Variants in NAA25 observed in about 807,000 individuals in gnomAD.
The protein encoded by NAA25 is N-terminal acetyltransferase B complex subunit NAA25.
A neutral mutation model predicts 132.5 loss-of-function variants in NAA25; 30 were observed. That is an observed-to-expected ratio of 0.23 (90% confidence interval 0.17 to 0.31). The LOEUF is 0.31. Ranked by LOEUF, NAA25 falls within the 10% of genes least tolerant of loss-of-function variation. NAA25 has a pLI of 1.00. For missense variants in NAA25, 771 were observed against 1,150.4 expected, an observed-to-expected ratio of 0.67 and a Z score of 4.77; for synonymous variants, 359 against 401.9, an observed-to-expected ratio of 0.89 and a Z score of 1.28.
chr12:112,107,349 A>C (rs1415394882), intron 1 of NAA25, among the ~76,000 whole-genome samples: 1 of 151,954 alleles, frequency 6.6e-6, no homozygotes. Flanking sequence ...GACAAATTAC[A>C]CAACAACAAT....
At chr12:112,062,666 C>G (rs2078652332) in intron 11 of NAA25, among the ~76,000 whole-genome samples, 1 of 151,524 alleles carries the variant, frequency 6.6e-6, no homozygotes, top group Admixed American at 6.6e-5. Flanking sequence ...GCGGTGGTTG[C>G]AGTGAGCCGA....
intron 15 of NAA25, 43 bp downstream of exon 15, chr12:112,053,515 G>C (rs1487805188): frequency 1.5e-6 from 2 of 1,372,540 alleles, no homozygotes. Flanking sequence ...ATAGTGTGCA[G>C]TCAGCAGACA....
intron 17 of NAA25, among the ~76,000 whole-genome samples, chr12:112,044,576 A>G (rs1302477231): frequency 6.6e-6 from 1 of 151,880 alleles, no homozygotes; most frequent in Non-Finnish European, 1.5e-5. Context: ...AGGCTGAGAC[A>G]GGAGAATGGC....
At chr12:112,072,636 A>C (rs1247739512) in intron 9 of NAA25, among the ~76,000 whole-genome samples, 1 of 147,888 alleles carries the variant, frequency 6.8e-6, no homozygotes, top group Non-Finnish European at 1.5e-5. Flanking sequence ...AAGAAAAAAA[A>C]ATTGCCTAAT....
chr12:112,075,811 G>C, intron 7 of NAA25, 22 bp from the exon 8 acceptor site: 2 of 1,597,716 alleles, frequency 1.3e-6, no homozygotes, highest in Non-Finnish European at 1.7e-6. Flanking sequence ...AGTTATAAAA[G>C]TTGGTAAGCT....
intron 22 of NAA25, among the ~76,000 whole-genome samples, chr12:112,038,178 T>A (rs1390928001): frequency 2.0e-5 from 3 of 152,118 alleles, no homozygotes; most frequent in Non-Finnish European, 2.9e-5. Context: ...CATGCCCGAC[T>A]AATTTTTGTA....
chr12:112,101,284 G>T (rs2079291522), intron 1 of NAA25, among the ~76,000 whole-genome samples: 1 of 152,120 alleles, frequency 6.6e-6, no homozygotes, highest in African/African-American at 2.4e-5. Flanking sequence ...TCATTTCAAG[G>T]AGATAAGCTC....
chr12:112,099,634 G>A (rs751855562), intron 1 of NAA25, among the ~76,000 whole-genome samples: 3 of 152,084 alleles, frequency 2.0e-5, no homozygotes, highest in Non-Finnish European at 4.4e-5. Context: ...CACTCCTGAG[G>A]TAACACTTCC....
intron 10 of NAA25, among the ~76,000 whole-genome samples, chr12:112,069,906 T>G (rs1231212234): frequency 6.6e-6 from 1 of 151,310 alleles, no homozygotes; most frequent in Non-Finnish European, 1.5e-5. Flanking sequence ...GGTAGGGAGA[T>G]CACTTGAGTC....
At position 112,049,017 on chromosome 12, in the gene NAA25, A is replaced by C; in HGVS notation, c.1729-574T>G. Among the ~76,000 whole-genome samples the C allele has an allele frequency of 6.6e-6, 1 of 152,214 alleles. No individual in the cohort carries two copies. The highest frequency in any genetic ancestry group is 1.9e-4 in the East Asian group (1 of 5,198). ...TAAGACACCAAACAAAAGACCTATCAAAATTCATGTCATAATCTATTCTGA... is the reference window on the plus strand; with the variant it reads ...TAAGACACCAAACAAAAGACCTATCCAAATTCATGTCATAATCTATTCTGA... On this transcript the variant is annotated intron_variant, in intron 15 of 23. Coordinates refer to ENST00000261745, the MANE Select transcript of NAA25 (RefSeq NM_024953.4). This position sits in a 1 kb window ranked among gnomAD's most constrained non-coding sequence, Gnocchi z 4.7.
rs140406567 is a variant in NAA25, at chr12:112,081,912, G to A, written c.403-778C>T. On this transcript the variant is annotated intron_variant, in intron 4 of 23. Transcript: ENST00000261745. ...GTCCCAAAGGCATTTAAAAGCGGGGGAGAAAACAAATACATAAATGACTGA... is the reference window on the plus strand; with the variant it reads ...GTCCCAAAGGCATTTAAAAGCGGGGAAGAAAACAAATACATAAATGACTGA... 7.6e-4 allele frequency among the ~76,000 whole-genome samples: 115 copies of A among 152,272 alleles called. 1 individual carries two copies. The highest frequency in any genetic ancestry group is 4.2e-3 in the East Asian group (22 of 5,190).
chr12:112,082,426 C>G (rs2078986023), intron 4 of NAA25, among the ~76,000 whole-genome samples: 1 of 151,634 alleles, frequency 6.6e-6, no homozygotes, highest in South Asian at 2.1e-4. Context: ...TGTATGTTAA[C>G]CAGGGTGGTG....
chr12:112,071,978 C>G lies in NAA25; in HGVS notation c.953G>C (p.Arg318Pro), dbSNP rs771586165. The stretch of plus-strand genomic sequence containing the variant: ...AGCTAGATGTGGTCCTCGGAGATGG[C>G]GAGAACTTTTAGATTCTTCCGTTAT... Reference protein sequence around the residue: ...DRITEESKSSRHLRGPHLAKL... With the variant: ...DRITEESKSSPHLRGPHLAKL... The change falls in exon 10 of 24, where the codon CGC (arginine) becomes CCC (proline). Residue 318 changes from arginine (R) to proline (P), a missense_variant. By Grantham distance (103) the Arg-to-Pro change is moderately radical. Coordinates refer to ENST00000261745, the MANE Select transcript of NAA25 (RefSeq NM_024953.4). The G allele has an allele frequency of 6.2e-7, 1 of 1,613,992 alleles. No individual in the cohort carries two copies. Among genetic ancestry groups the G allele is most frequent in the Non-Finnish European group, 8.5e-7 (1 of 1,179,958 alleles).
chr12:112,045,631 C>T (rs1341402367), intron 17 of NAA25, among the ~76,000 whole-genome samples: 3 of 151,590 alleles, frequency 2.0e-5, no homozygotes, highest in Non-Finnish European at 2.9e-5. Flanking sequence ...CCCATCTCTA[C>T]TAAAAATACA....
At chr12:112,072,128 CA>C (rs2078819169) in intron 9 of NAA25, 64 bp from the exon 10 acceptor site, 1 of 1,197,774 alleles carries the variant, frequency 8.3e-7, no homozygotes, top group African/African-American at 1.6e-5. Flanking sequence ...AGCTTAAAGT[CA>C]AGCCAAACTC....
chr12:112,102,777 C>T (rs2079313088), intron 1 of NAA25, among the ~76,000 whole-genome samples: 1 of 151,544 alleles, frequency 6.6e-6, no homozygotes, highest in African/African-American at 2.4e-5. Flanking sequence ...ACCTCCGCCT[C>T]CTGGGTTCAC....
chr12:112,047,941 G>T, intron 16 of NAA25, 151 bp from the exon 17 acceptor site: 2 of 814,076 alleles, frequency 2.5e-6, no homozygotes, highest in Non-Finnish European at 3.7e-6. Context: ...GATCAAACTG[G>T]CTTGCTACAT....
At chr12:112,071,837 T>TC in intron 10 of NAA25, 58 bp downstream of exon 10, 1 of 1,232,604 alleles carries the variant, frequency 8.1e-7, no homozygotes, top group Non-Finnish European at 1.1e-6. Context: ...AACTAATGAA[T>TC]ATAGCACTTG....
rs925469873 is a variant in NAA25 at position 112,090,177 on chromosome 12, T to C, written c.283+549A>G. On this transcript the variant is annotated intron_variant, in intron 3 of 23. Transcript: ENST00000261745. The stretch of plus-strand genomic sequence containing the variant: ...GTGGTAGGTTCATGAGTTTTCATTA[T>C]TACACATCAAATGTACTTATATGTT... The C allele has an allele frequency of 1.3e-5, 2 of 152,078 alleles. 1 individual carries two copies. The highest frequency in any genetic ancestry group is 4.8e-5 in the African/African-American group (2 of 41,440). 9.4% of individuals were successfully genotyped at this position (152,078 alleles called of 1,614,324 possible).
Sources: gnomAD v4.1 joint callset for allele counts (sites outside exome capture counted in the v4.1 genomes callset) on GRCh38, gnomAD v4.1.1 for gene constraint, Gnocchi (gnomAD v3.1) non-coding constraint, MANE v1.5 for transcripts, NCBI Gene and HGNC (gene_info 2026-07-23, HGNC 2026-07-21) for gene names.